BRIP1: variants seen among roughly 807,000 people sequenced by gnomAD.
BRIP1 encodes BRCA1 interacting DNA helicase 1, also known as Fanconi anemia group J protein.
Under a neutral mutation model 119.7 loss-of-function variants are expected in BRIP1, and 88 were observed. That is an observed-to-expected ratio of 0.74 (90% CI 0.62 to 0.88). The LOEUF is 0.88. Among genes scored for constraint, BRIP1 ranks in the 40% least tolerant of loss-of-function variants. The pLI is 0.00. For missense variants in BRIP1, 1,259 were observed against 1,455.4 expected (o/e 0.87, Z 2.20); for synonymous variants, 443 against 496.5 (o/e 0.89, Z 1.43).
At position 61,761,306 on chromosome 17, in the gene BRIP1, T is replaced by G. The variant is rs1324002000; in HGVS notation, c.2097+15095A>C. Among the ~76,000 whole-genome samples the G allele has an allele frequency of 6.6e-6, 1 of 151,934 alleles. No individual in the cohort carries two copies. Among genetic ancestry groups the G allele is most frequent in the East Asian group, 1.9e-4 (1 of 5,188 alleles). ...GATAAGACCACACTTAACATTATAT[T>G]CAATGGTGAAAAAATTGAAAGCCTT... On this transcript the variant is annotated intron_variant, in intron 14 of 19. Transcript: ENST00000259008. This position sits in a 1 kb window ranked among gnomAD's most constrained non-coding sequence, Gnocchi z 6.4.
rs1177670063 is a variant in BRIP1, at chr17:61,816,846, T to C, written c.628-8089A>G. ...TTTAAATAAGAATGCCAGCTAAGAA[T>C]TGTAAATAAAATGATAGAATTTTAA... On this transcript the variant is annotated intron_variant, in intron 6 of 19. Transcript: ENST00000259008. The surrounding 1 kb of genome is among the most constrained non-coding windows in gnomAD (Gnocchi z 5.0). Among the ~76,000 whole-genome samples, 5 of 152,118 alleles carry C rather than the reference T, an allele frequency of 3.3e-5. No homozygotes were observed. The highest frequency in any genetic ancestry group is 9.7e-5 in the African/African-American group (4 of 41,416).
chr17:61,785,444 G>A (rs1023869188), intron 10 of BRIP1, among the ~76,000 whole-genome samples: 3 of 152,092 alleles, frequency 2.0e-5, no homozygotes, highest in Admixed American at 1.3e-4. Context: ...TCTGATGTCT[G>A]ACAATAAAAT....
chr17:61,830,118 G>A (rs1251968345), intron 6 of BRIP1, among the ~76,000 whole-genome samples: 2 of 151,602 alleles, frequency 1.3e-5, no homozygotes, highest in Non-Finnish European at 2.9e-5. Context: ...ATTTATAATA[G>A]AGACAGGGTT....
intron 19 of BRIP1, chr17:61,685,076 T>A (rs2061340900): frequency 1.3e-5 from 2 of 152,366 alleles, no homozygotes; most frequent in East Asian, 3.9e-4. Flanking sequence ...ACCTTTTCTG[T>A]CATAGGCCAG....
chr17:61,860,561 G>A lies in BRIP1; in HGVS notation c.94-654C>T, dbSNP rs1047878871. On this transcript the variant is annotated intron_variant, in intron 2 of 19. Coordinates refer to ENST00000259008, the MANE Select transcript of BRIP1 (RefSeq NM_032043.3). This position sits in a 1 kb window ranked among gnomAD's most constrained non-coding sequence, Gnocchi z 4.1. ...TGTAATCCCAGCTACTGGGGAGGCTGAGGCAGGAGAATAGCTTCAGCCTGG... is the reference window on the plus strand; with the variant it reads ...TGTAATCCCAGCTACTGGGGAGGCTAAGGCAGGAGAATAGCTTCAGCCTGG... Among the ~76,000 whole-genome samples, 1 of 152,206 alleles carries A rather than the reference G, an allele frequency of 6.6e-6. No individual in the cohort carries two copies. Among genetic ancestry groups the A allele is most frequent in the Admixed American group, 6.5e-5 (1 of 15,286 alleles).
rs1382399729 is a variant in BRIP1, at chr17:61,681,144, C to T, written c.*2152G>A. On this transcript the variant is annotated 3_prime_UTR_variant, in exon 20 of 20. Coordinates refer to ENST00000259008, the MANE Select transcript of BRIP1 (RefSeq NM_032043.3). This position sits in a 1 kb window ranked among gnomAD's most constrained non-coding sequence, Gnocchi z 5.1. The stretch of plus-strand genomic sequence containing the variant: ...ACCGCCCCCACGATTCAATTACCTC[C>T]CACTGGGTCCTTCCCACAACACGTC... The T allele has an allele frequency of 1.1e-5, 2 of 189,938 alleles. No homozygotes were observed. Among genetic ancestry groups the T allele is most frequent in the Admixed American group, 1.2e-4 (2 of 16,306 alleles). The allele number at this position is 189,938 out of a possible 1,614,324, so 11.8% of individuals were successfully genotyped here. A position where few individuals can be genotyped will look rare whatever the true frequency, so the allele number is the denominator to read the frequency against.
At position 61,807,883 on chromosome 17, in the gene BRIP1, C is replaced by G. The variant is rs2078097579; in HGVS notation, c.918+584G>C. Among the ~76,000 whole-genome samples the G allele has an allele frequency of 1.3e-5, 2 of 151,992 alleles. No individual in the cohort carries two copies. The highest frequency in any genetic ancestry group is 2.4e-5 in the African/African-American group (1 of 41,364). ...GTAAGAAAGAATTCTCTATTTCCAC[C>G]AAGCCCAAATTCATATTATTCTAAT... On this transcript the variant is annotated intron_variant, in intron 7 of 19. Coordinates refer to ENST00000259008, the MANE Select transcript of BRIP1 (RefSeq NM_032043.3). The surrounding 1 kb of genome is among the most constrained non-coding windows in gnomAD (Gnocchi z 4.5).
At position 61,683,604 on chromosome 17, in the gene BRIP1, C is replaced by A; in HGVS notation, c.3442G>T (p.Asp1148Tyr). The A allele has an allele frequency of 6.2e-7, 1 of 1,612,146 alleles. No individual in the cohort carries two copies. Among genetic ancestry groups the A allele is most frequent in the South Asian group, 1.1e-5 (1 of 90,988 alleles). ...TTTCCTCTATCAGTTTCAGCTAGGT[C>A]ATTTTTTTCTTCATCTGTATCTTCA... ...DPEDTDEEKN[D>Y]LAETDRGNRL... The change falls in exon 20 of 20, where the codon GAC becomes TAC. Residue 1148 changes from aspartate (D) to tyrosine (Y), a missense_variant. By Grantham distance (160) the Asp-to-Tyr change is radical. Transcript: ENST00000259008. This position sits in a 1 kb window ranked among gnomAD's most constrained non-coding sequence, Gnocchi z 4.7.
rs1060504329 is a variant in BRIP1, at chr17:61,808,460, T to C, written c.918+7A>G. 1 of 1,608,040 alleles carries C rather than the reference T, an allele frequency of 6.2e-7. No individual in the cohort carries two copies. The highest frequency in any genetic ancestry group is 8.5e-7 in the Non-Finnish European group (1 of 1,174,514). On this transcript the variant is annotated splice_region_variant and intron_variant, in intron 7 of 19. Transcript: ENST00000259008. This position sits in a 1 kb window ranked among gnomAD's most constrained non-coding sequence, Gnocchi z 4.1. The stretch of plus-strand genomic sequence containing the variant: ...TTTTTTCTCTAACACAAAATAACTT[T>C]ACTCACGTTTTTCCCATCTAGCAAT...
rs923454153 is a variant in BRIP1 at position 61,682,441 on chromosome 17, G to A, written c.*855C>T. 5.4e-5 allele frequency: 11 copies of A among 203,228 alleles called. No individual in the cohort carries two copies. The highest frequency in any genetic ancestry group is 1.8e-4 in the Admixed American group (3 of 16,676). The allele number at this position is 203,228 out of a possible 1,614,324, so 12.6% of individuals were successfully genotyped here. On this transcript the variant is annotated 3_prime_UTR_variant, in exon 20 of 20. Coordinates refer to ENST00000259008, the MANE Select transcript of BRIP1 (RefSeq NM_032043.3). The surrounding 1 kb of genome is among the most constrained non-coding windows in gnomAD (Gnocchi z 4.9). ...TTCATTTGGCATTTTATATCTTTACGTCAATTTGTTTATGACATGTTTGGT... is the reference window on the plus strand; with the variant it reads ...TTCATTTGGCATTTTATATCTTTACATCAATTTGTTTATGACATGTTTGGT...
chr17:61,860,416 T>C lies in BRIP1; in HGVS notation c.94-509A>G, dbSNP rs2078958161. The stretch of plus-strand genomic sequence containing the variant: ...CAGCCACGCTTGTAATCCCATCACT[T>C]TGGGAGGCCAAGGCAGGTGGATCAT... On this transcript the variant is annotated intron_variant, in intron 2 of 19. Coordinates refer to ENST00000259008, the MANE Select transcript of BRIP1 (RefSeq NM_032043.3). The surrounding 1 kb of genome is among the most constrained non-coding windows in gnomAD (Gnocchi z 4.1). 6.6e-6 allele frequency among the ~76,000 whole-genome samples: 1 copy of C among 152,156 alleles called. No homozygotes were observed. The highest frequency in any genetic ancestry group is 1.5e-5 in the Non-Finnish European group (1 of 68,036).
intron 17 of BRIP1, among the ~76,000 whole-genome samples, 183 bp downstream of exon 17, chr17:61,715,768 A>G (rs1414036846): frequency 6.6e-6 from 1 of 152,218 alleles, no homozygotes; most frequent in Non-Finnish European, 1.5e-5. Context: ...TTTGGGAATA[A>G]CTTATTCTTC....
Position 61,729,950 on chromosome 17 carries a change from C to T in BRIP1, c.2379+13063G>A, listed in dbSNP as rs1056248947. ...ATCCTGGAATGCACAGGACACTCCT[C>T]GGAACAAAGAATTACCCAGTCCAAA... On this transcript the variant is annotated intron_variant, in intron 16 of 19. Coordinates refer to ENST00000259008, the MANE Select transcript of BRIP1 (RefSeq NM_032043.3). The surrounding 1 kb of genome is among the most constrained non-coding windows in gnomAD (Gnocchi z 5.6). Among the ~76,000 whole-genome samples the T allele has an allele frequency of 3.3e-5, 5 of 151,990 alleles. No individual in the cohort carries two copies. The highest frequency in any genetic ancestry group is 9.7e-5 in the African/African-American group (4 of 41,358).
chr17:61,797,305 A>T (rs193152232), intron 9 of BRIP1, among the ~76,000 whole-genome samples: 10 of 147,178 alleles, frequency 6.8e-5, no homozygotes, highest in South Asian at 4.3e-4. Flanking sequence ...AAGAAATGAT[A>T]AAAAAAAATG....
intron 6 of BRIP1, among the ~76,000 whole-genome samples, chr17:61,836,084 G>A (rs1046340245): frequency 6.8e-6 from 1 of 147,748 alleles, no homozygotes; most frequent in Non-Finnish European, 1.5e-5. Context: ...TAATGTTAAA[G>A]GTTTTTCAAA....
At position 61,822,611 on chromosome 17, in the gene BRIP1, A is replaced by G. The variant is rs1295525487; in HGVS notation, c.628-13854T>C. Among the ~76,000 whole-genome samples, 1 of 152,242 alleles carries G rather than the reference A, an allele frequency of 6.6e-6. No homozygotes were observed. The highest frequency in any genetic ancestry group is 1.5e-5 in the Non-Finnish European group (1 of 68,034). On this transcript the variant is annotated intron_variant, in intron 6 of 19. Transcript: ENST00000259008. The surrounding 1 kb of genome is among the most constrained non-coding windows in gnomAD (Gnocchi z 4.4). ...TATTGTTCAGAATATTAGATTAAGGAAAGAGCTGAGACAAGGTTTCCTTGT... is the reference window on the plus strand; with the variant it reads ...TATTGTTCAGAATATTAGATTAAGGGAAGAGCTGAGACAAGGTTTCCTTGT...
At position 61,703,630 on chromosome 17, in the gene BRIP1, CTTAAGT is replaced by C. The variant is rs1484793880; in HGVS notation, c.2493-10124_2493-10119del. Among the ~76,000 whole-genome samples, 2 of 152,190 alleles carry C rather than the reference CTTAAGT, an allele frequency of 1.3e-5. No individual in the cohort carries two copies. The highest frequency in any genetic ancestry group is 2.9e-5 in the Non-Finnish European group (2 of 68,032). ...TAGTTTCTTTTGCTGTGCAGAAGCT[CTTAAGT>C]TTAATTAAGTCCCATTCGTCGATTT... On this transcript the variant is annotated intron_variant, in intron 17 of 19. Coordinates refer to ENST00000259008, the MANE Select transcript of BRIP1 (RefSeq NM_032043.3). The surrounding 1 kb of genome is among the most constrained non-coding windows in gnomAD (Gnocchi z 5.0).
chr17:61,845,882 G>T lies in BRIP1; in HGVS notation c.627+1219C>A, dbSNP rs773540391. Among the ~76,000 whole-genome samples, 5 of 151,652 alleles carry T rather than the reference G, an allele frequency of 3.3e-5. No homozygotes were observed. The highest frequency in any genetic ancestry group is 1.9e-4 in the East Asian group (1 of 5,178). ...TCAAAGACATTCTTAAATGAAACTG[G>T]TTTTTTTTCAAAACTGTGATCTAAT... On this transcript the variant is annotated intron_variant, in intron 6 of 19. Transcript: ENST00000259008. This position sits in a 1 kb window ranked among gnomAD's most constrained non-coding sequence, Gnocchi z 4.2.
chr17:61,794,285 A>G lies in BRIP1; in HGVS notation c.1341-556T>C, dbSNP rs774273422. On this transcript the variant is annotated intron_variant, in intron 9 of 19. Coordinates refer to ENST00000259008, the MANE Select transcript of BRIP1 (RefSeq NM_032043.3). This position sits in a 1 kb window ranked among gnomAD's most constrained non-coding sequence, Gnocchi z 4.3. Reference sequence around the variant, plus strand: ...ACTCTCATGGAAATTACATTCTACTAAAGGGAGACAGGAATAAACATCAAA... The same window carrying G: ...ACTCTCATGGAAATTACATTCTACTGAAGGGAGACAGGAATAAACATCAAA... Among the ~76,000 whole-genome samples the G allele has an allele frequency of 6.6e-6, 1 of 152,114 alleles. No individual in the cohort carries two copies. The highest frequency in any genetic ancestry group is 2.4e-5 in the African/African-American group (1 of 41,430).
Sources: allele counts gnomAD v4.1 joint callset (sites outside exome capture counted in the v4.1 genomes callset), GRCh38; gene constraint gnomAD v4.1.1; non-coding constraint Gnocchi (gnomAD v3.1); transcripts MANE v1.5; gene names NCBI Gene and HGNC (gene_info 2026-07-23, HGNC 2026-07-21).